The following ATRNL1 variants were observed in gnomAD, a reference collection of about 807,000 sequenced individuals.
The protein encoded by ATRNL1 is attractin-like protein 1.
A neutral mutation model predicts 182.7 loss-of-function variants in ATRNL1; 95 were observed. The observed-to-expected ratio is 0.52, with a 90% CI of 0.44 to 0.62. The LOEUF is 0.62. ATRNL1 is among the 20% of genes least tolerant of loss of function. The probability of loss-of-function intolerance (pLI) is 0.00; values close to 1 mark genes in which losing one functional copy is unlikely to be tolerated. For synonymous variants in ATRNL1, 576 were observed against 568.3 expected (o/e 1.01, Z -0.19); for missense variants, 1,471 against 1,679.5 (o/e 0.88, Z 2.17).
intron 27 of ATRNL1, among the ~76,000 whole-genome samples, chr10:115,793,488 T>C (rs1949577295): frequency 6.6e-6 from 1 of 150,376 alleles, no homozygotes; most frequent in South Asian, 2.1e-4. Context: ...CACAATAAAG[T>C]TAATATTAAT....
intron 9 of ATRNL1, among the ~76,000 whole-genome samples, chr10:115,220,651 C>T (rs1235381898): frequency 1.5e-5 from 2 of 137,660 alleles, no homozygotes; most frequent in African/African-American, 2.7e-5. Flanking sequence ...TGTTTGTGGG[C>T]TTACCAAAAC....
chr10:115,156,299 A>G (rs563131576), intron 5 of ATRNL1, among the ~76,000 whole-genome samples: 3 of 152,160 alleles, frequency 2.0e-5, no homozygotes, highest in Non-Finnish European at 4.4e-5. Context: ...AATGGCACCA[A>G]AGTTTTTGCC....
At chr10:115,837,795 T>C (rs1950714055) in intron 27 of ATRNL1, among the ~76,000 whole-genome samples, 1 of 152,138 alleles carries the variant, frequency 6.6e-6, no homozygotes, top group African/African-American at 2.4e-5. Flanking sequence ...GAGAGAAAGA[T>C]AAGAAAAGAT....
At chr10:115,717,532 C>T (rs1467207991) in intron 26 of ATRNL1, among the ~76,000 whole-genome samples, 5 of 143,320 alleles carry the variant, frequency 3.5e-5, no homozygotes, top group Admixed American at 7.5e-5. Context: ...TTGATTTTCC[C>T]GCTGCCTGAA....
At chr10:115,248,746 A>G (rs1850749907) in intron 10 of ATRNL1, among the ~76,000 whole-genome samples, 1 of 152,148 alleles carries the variant, frequency 6.6e-6, no homozygotes, top group Non-Finnish European at 1.5e-5. Context: ...TTAGAATATT[A>G]AAAGAAGTTT....
At chr10:115,373,293 C>T (rs1304899042) in intron 19 of ATRNL1, among the ~76,000 whole-genome samples, 1 of 151,976 alleles carries the variant, frequency 6.6e-6, no homozygotes, top group Non-Finnish European at 1.5e-5. Flanking sequence ...TCTGTAAGAA[C>T]TTGTCATCTG....
chr10:115,642,484 C>A (rs569616323), intron 26 of ATRNL1, among the ~76,000 whole-genome samples: 1 of 150,274 alleles, frequency 6.7e-6, no homozygotes, highest in East Asian at 2.0e-4. Context: ...GCTCTTGTGG[C>A]CCAGGCTAGA....
At chr10:115,298,422 C>T (rs140527464) in intron 15 of ATRNL1, among the ~76,000 whole-genome samples, 452 of 152,146 alleles carry the variant, frequency 3.0e-3, no homozygotes, top group African/African-American at 0.01. Context: ...CTGTTTTCCT[C>T]CTCTTCCTCT....
intron 9 of ATRNL1, among the ~76,000 whole-genome samples, chr10:115,228,665 C>CT (rs561142718): frequency 1.4e-3 from 210 of 151,892 alleles, no homozygotes; most frequent in African/African-American, 4.9e-3. Flanking sequence ...ATTTATTAAA[C>CT]TTTACCATTT....
At chr10:115,345,656 G>A (rs945018372) in intron 19 of ATRNL1, among the ~76,000 whole-genome samples, 4 of 152,080 alleles carry the variant, frequency 2.6e-5, no homozygotes, top group African/African-American at 7.2e-5. Context: ...GACGATTGAT[G>A]GAACCTTCTA....
At chr10:115,125,523 G>A (rs1592134385) in intron 3 of ATRNL1, among the ~76,000 whole-genome samples, 1 of 151,566 alleles carries the variant, frequency 6.6e-6, no homozygotes, top group African/African-American at 2.4e-5. Flanking sequence ...CTGTGTGCTG[G>A]ACAATTGTGT....
intron 8 of ATRNL1, among the ~76,000 whole-genome samples, chr10:115,188,733 T>C (rs1293568257): frequency 3.8e-5 from 4 of 105,366 alleles, no homozygotes; most frequent in South Asian, 4.9e-4. Flanking sequence ...GCTCTTAATA[T>C]CACGTTTTTA....
chr10:115,574,154 G>C (rs1336117), intron 26 of ATRNL1, among the ~76,000 whole-genome samples: 74,030 of 151,058 alleles, frequency 0.49, 19,269 homozygotes, highest in East Asian at 0.84. Context: ...ATATGTATAA[G>C]TACAGCCATT....
chr10:115,644,457 C>T (rs1213734514), intron 26 of ATRNL1, among the ~76,000 whole-genome samples: 4 of 152,052 alleles, frequency 2.6e-5, no homozygotes, highest in Non-Finnish European at 4.4e-5. Context: ...GAATGAGTCT[C>T]AAAGAGATAG....
At chr10:115,231,913 G>C (rs184669722) in intron 9 of ATRNL1, among the ~76,000 whole-genome samples, 1 of 152,018 alleles carries the variant, frequency 6.6e-6, no homozygotes, top group African/African-American at 2.4e-5. Flanking sequence ...TTAGGAGGGA[G>C]GGAGAGTGAA....
intron 5 of ATRNL1, among the ~76,000 whole-genome samples, chr10:115,157,014 A>G (rs1846552431): frequency 6.6e-6 from 1 of 152,136 alleles, no homozygotes; most frequent in Non-Finnish European, 1.5e-5. Context: ...ATATAGTCAG[A>G]CAGAGGTAAT....
chr10:115,943,653 T>C (rs1274528115), intron 28 of ATRNL1, among the ~76,000 whole-genome samples: 1 of 149,452 alleles, frequency 6.7e-6, no homozygotes, highest in Non-Finnish European at 1.5e-5. Flanking sequence ...AAGCTTACCA[T>C]ATTATCCAGC....
At chr10:115,607,012 A>G (rs1856909509) in intron 26 of ATRNL1, among the ~76,000 whole-genome samples, 1 of 151,992 alleles carries the variant, frequency 6.6e-6, no homozygotes, top group Non-Finnish European at 1.5e-5. Flanking sequence ...TGCTAAATGT[A>G]TTAATGCAGT....
At chr10:115,451,063 C>G (rs1847256523) in intron 21 of ATRNL1, among the ~76,000 whole-genome samples, 1 of 152,128 alleles carries the variant, frequency 6.6e-6, no homozygotes, top group Non-Finnish European at 1.5e-5. Context: ...AACTGGCTAT[C>G]CATATGCAGA....
Sources: gnomAD v4.1 joint callset for allele counts (sites outside exome capture counted in the v4.1 genomes callset) on GRCh38, gnomAD v4.1.1 for gene constraint, MANE v1.5 for transcripts, NCBI Gene and HGNC (gene_info 2026-07-23, HGNC 2026-07-21) for gene names.